MYO10: variants seen among roughly 807,000 people sequenced by gnomAD.
MYO10 encodes the protein myosin X, also known as unconventional myosin-X.
A neutral mutation model predicts 257.3 loss-of-function variants in MYO10; 133 were observed. That is an observed-to-expected ratio of 0.52 (90% CI 0.45 to 0.60). MYO10 has a LOEUF of 0.60. Among genes scored for constraint, MYO10 ranks in the 20% least tolerant of loss-of-function variants. MYO10 has a pLI of 0.00. For missense variants in MYO10, 2,399 were observed against 2,635.7 expected, an observed-to-expected ratio of 0.91 and a Z score of 1.97; for synonymous variants, 1,104 against 1,028.6, an observed-to-expected ratio of 1.07 and a Z score of -1.40.
At chr5:16,857,935 G>C (rs1744005272) in intron 2 of MYO10, among the ~76,000 whole-genome samples, 1 of 152,152 alleles carries the variant, frequency 6.6e-6, no homozygotes, top group African/African-American at 2.4e-5. Flanking sequence ...AAGATCCCCT[G>C]AAGCACTAAA....
intron 19 of MYO10, among the ~76,000 whole-genome samples, chr5:16,719,766 C>T (rs1344493552): frequency 5.9e-5 from 9 of 152,172 alleles, no homozygotes; most frequent in Admixed American, 2.0e-4. Context: ...GAGTTCGAGA[C>T]CAGCCTGACC....
At position 16,663,322 on chromosome 5, in the gene MYO10, CTA is replaced by C. The variant is rs1561158339; in HGVS notation, c.*3368_*3369del. The C allele has an allele frequency of 2.1e-5, 1 of 47,474 alleles. No individual in the cohort carries two copies. The highest frequency in any genetic ancestry group is 3.9e-5 in the Non-Finnish European group (1 of 25,338). 2.9% of individuals were successfully genotyped at this position (47,474 alleles called of 1,614,324 possible). On this transcript the variant is annotated 3_prime_UTR_variant, in exon 41 of 41. Coordinates refer to ENST00000513610, the MANE Select transcript of MYO10 (RefSeq NM_012334.3). ...GCTGGAAAAAAGTAACATTTTACTT[CTA>C]GTTGTTTTTTTTTTTTTTTTTTTTT...
At chr5:16,881,008 C>T (rs553266272) in intron 1 of MYO10, among the ~76,000 whole-genome samples, 1 of 152,228 alleles carries the variant, frequency 6.6e-6, no homozygotes, top group South Asian at 2.1e-4. Flanking sequence ...CGCCCATGCT[C>T]GCAGCAATGA....
intron 19 of MYO10, among the ~76,000 whole-genome samples, chr5:16,743,011 T>C (rs1740068366): frequency 1.3e-5 from 2 of 152,142 alleles, no homozygotes; most frequent in South Asian, 2.1e-4. Context: ...TTCCAGCTAC[T>C]TGAGATGCTG....
At chr5:16,934,583 CT>C (rs1353931377) in intron 1 of MYO10, among the ~76,000 whole-genome samples, 1 of 152,166 alleles carries the variant, frequency 6.6e-6, no homozygotes, top group African/African-American at 2.4e-5. Flanking sequence ...ATATATTTCA[CT>C]TTTTTTAAGA....
chr5:16,751,794 A>C (rs993455283), intron 19 of MYO10, among the ~76,000 whole-genome samples: 2 of 152,054 alleles, frequency 1.3e-5, no homozygotes, highest in African/African-American at 4.8e-5. Flanking sequence ...GAGTGCCTTT[A>C]AAAGGGCACC....
intron 11 of MYO10, among the ~76,000 whole-genome samples, chr5:16,764,819 G>A (rs931558377): frequency 6.6e-6 from 1 of 152,118 alleles, no homozygotes; most frequent in Non-Finnish European, 1.5e-5. Context: ...CCCCTGAGTA[G>A]CTGGGATTAC....
At chr5:16,839,021 A>C (rs1281058320) in intron 2 of MYO10, among the ~76,000 whole-genome samples, 1 of 152,202 alleles carries the variant, frequency 6.6e-6, no homozygotes, top group East Asian at 1.9e-4. Flanking sequence ...AAGAGCTCTG[A>C]TAAAGATGTA....
Position 16,935,953 on chromosome 5 carries a change from C to T in MYO10, c.-145G>A. 1 of 922,812 alleles carries T rather than the reference C, an allele frequency of 1.1e-6. No individual in the cohort carries two copies. Among genetic ancestry groups the T allele is most frequent in the South Asian group, 1.6e-5 (1 of 63,560 alleles). The allele number at this position is 922,812 out of a possible 1,614,324, so 57.2% of individuals were successfully genotyped here. A position where few individuals can be genotyped will look rare whatever the true frequency, so the allele number is the denominator to read the frequency against. ...GGCTCCCCTGCTGCCATCGCCCGGT[C>T]CCTTCTTGTCCTTCTCACCTTTTGT... On this transcript the variant is annotated 5_prime_UTR_variant, in exon 1 of 41. Transcript: ENST00000513610.
intron 19 of MYO10, among the ~76,000 whole-genome samples, chr5:16,717,739 C>CG (rs34159413): frequency 0.84 from 127,370 of 152,150 alleles, 53,574 homozygotes; most frequent in Non-Finnish European, 0.86. Context: ...CTTTGACCCA[C>CG]GGGGATTTAA....
At chr5:16,927,095 G>A (rs2625187) in intron 1 of MYO10, among the ~76,000 whole-genome samples, 68,435 of 151,950 alleles carry the variant, frequency 0.45, 15,755 homozygotes, top group African/African-American at 0.53. Flanking sequence ...AAATGTTTAG[G>A]TATGTGATAT....
chr5:16,818,924 T>C (rs866766834), intron 2 of MYO10, among the ~76,000 whole-genome samples: 8 of 152,238 alleles, frequency 5.3e-5, no homozygotes, highest in Admixed American at 3.9e-4. Context: ...TTCTAAGTTT[T>C]AGAAAGTAAT....
At chr5:16,848,558 A>AC (rs1294666525) in intron 2 of MYO10, among the ~76,000 whole-genome samples, 1 of 150,986 alleles carries the variant, frequency 6.6e-6, no homozygotes, top group East Asian at 1.9e-4. Context: ...AATTTAATCC[A>AC]CCCCCCACCA....
At chr5:16,891,453 G>A (rs1350560417) in intron 1 of MYO10, among the ~76,000 whole-genome samples, 6 of 152,138 alleles carry the variant, frequency 3.9e-5, no homozygotes, top group South Asian at 2.1e-4. Context: ...GTGGTTGCCC[G>A]GGGCTGGGAG....
At chr5:16,814,215 C>T (rs536430434) in intron 3 of MYO10, among the ~76,000 whole-genome samples, 17 of 152,330 alleles carry the variant, frequency 1.1e-4, no homozygotes, top group African/African-American at 2.4e-5. Flanking sequence ...GATCTCGGCT[C>T]ACTGCAAGCT....
chr5:16,703,128 C>A lies in MYO10; in HGVS notation c.2307G>T (p.Val769=). 1 of 1,597,166 alleles carries A rather than the reference C, an allele frequency of 6.3e-7. No homozygotes were observed. The highest frequency in any genetic ancestry group is 2.2e-5 in the East Asian group (1 of 44,638). ...CTCTGTAATTCTTCTGTATTATCACCACACAATAAAGGACCTTTCTGTATT... is the reference window on the plus strand; with the variant it reads ...CTCTGTAATTCTTCTGTATTATCACAACACAATAAAGGACCTTTCTGTATT... ...RKQYRKVLYC[V]VIIQKNYRAF... Residue 769 remains valine, a synonymous_variant, in exon 23 of 41, where the codon GTG becomes GTT. Transcript: ENST00000513610.
At chr5:16,722,594 T>C (rs1472887099) in intron 19 of MYO10, among the ~76,000 whole-genome samples, 2 of 152,254 alleles carry the variant, frequency 1.3e-5, no homozygotes, top group Non-Finnish European at 2.9e-5. Flanking sequence ...AGAGAAAGGA[T>C]AGTCTTTCTA....
rs1372629014 is a variant in MYO10, at chr5:16,717,115, G to A, written c.1930-5870C>T. Among the ~76,000 whole-genome samples, 5 of 152,302 alleles carry A rather than the reference G, an allele frequency of 3.3e-5. No homozygotes were observed. In the East Asian group the frequency reaches 9.7e-4, roughly 29 times the overall value. On this transcript the variant is annotated intron_variant, in intron 19 of 40. Transcript: ENST00000513610. ...CCCTTCCAAAATGCTGGGATTACAG[G>A]CTTGGGCCACCACGCGCGGCCTTAA...
chr5:16,906,656 T>G (rs1057032306), intron 1 of MYO10, among the ~76,000 whole-genome samples: 25 of 152,106 alleles, frequency 1.6e-4, no homozygotes, highest in Non-Finnish European at 3.7e-4. Flanking sequence ...TCCTTCTCTA[T>G]GCCTATCTCG....
Sources: gnomAD v4.1 joint callset for allele counts (sites outside exome capture counted in the v4.1 genomes callset) on GRCh38, gnomAD v4.1.1 for gene constraint, MANE v1.5 for transcripts, NCBI Gene and HGNC (gene_info 2026-07-23, HGNC 2026-07-21) for gene names.